DGKB: variants seen among roughly 807,000 people sequenced by gnomAD.
DGKB encodes the protein diacylglycerol kinase beta.
A neutral mutation model predicts 114.3 loss-of-function variants in DGKB; 67 were observed. The ratio of observed to expected loss-of-function variants is 0.59; its 90% confidence interval spans 0.48 to 0.72. The LOEUF (loss-of-function observed/expected upper bound fraction) is 0.72, where lower values mean the gene tolerates loss of function less well. Ranked by LOEUF, DGKB falls within the 30% of genes least tolerant of loss-of-function variation. The pLI, the probability that DGKB is intolerant of heterozygous loss-of-function variation, is 0.00. For synonymous variants in DGKB, 398 were observed against 323.1 expected (o/e 1.23, Z -2.49); for missense variants, 907 against 975.2 (o/e 0.93, Z 0.93).
chr7:14,379,127 C>G (rs1332147895), intron 21 of DGKB, among the ~76,000 whole-genome samples: 1 of 151,684 alleles, frequency 6.6e-6, no homozygotes, highest in Non-Finnish European at 1.5e-5. Context: ...AGACTTTTTC[C>G]CATTACACTA....
chr7:14,605,797 A>G (rs1183818354), intron 17 of DGKB, among the ~76,000 whole-genome samples: 1 of 152,138 alleles, frequency 6.6e-6, no homozygotes, highest in Admixed American at 6.6e-5. Flanking sequence ...TCATATTTGT[A>G]CAAATAATAC....
chr7:14,937,075 T>C lies in DGKB; in HGVS notation c.-188+37621A>G, dbSNP rs73058956. 9.5e-3 allele frequency among the ~76,000 whole-genome samples: 999 copies of C among 105,690 alleles called. 11 individuals are homozygous for C. The highest frequency in any genetic ancestry group is 0.028 in the African/African-American group (818 of 28,824). The allele number at this position is 105,690 out of a possible 152,430, so 69.3% of individuals were successfully genotyped here. A position where few individuals can be genotyped will look rare whatever the true frequency, so the allele number is the denominator to read the frequency against. ...ACACACACACACACACACACACACA[T>C]CTTTTGTTAAATTTATAATTTTGCT... On this transcript the variant is annotated intron_variant, in intron 1 of 4. Coordinates refer to the DGKB transcript ENST00000437998.
In DGKB at chr7:14,946,346, C is replaced by T. The variant is rs185549383; in HGVS notation, c.-188+28350G>A. Among the ~76,000 whole-genome samples, 518 of 151,548 alleles carry T rather than the reference C, an allele frequency of 3.4e-3. 2 individuals are homozygous for T. Among genetic ancestry groups the T allele is most frequent in the African/African-American group, 0.012 (496 of 41,428 alleles). On this transcript the variant is annotated intron_variant, in intron 1 of 4. Coordinates refer to the DGKB transcript ENST00000437998. The stretch of plus-strand genomic sequence containing the variant: ...AGGCTTGAAGAGAAAATGAATGGAC[C>T]CTCCATTTCCTTAAGTACATCTATC...
At chr7:14,172,815 T>A (rs1205191565) in intron 25 of DGKB, among the ~76,000 whole-genome samples, 1 of 152,076 alleles carries the variant, frequency 6.6e-6, no homozygotes, top group East Asian at 1.9e-4. Flanking sequence ...TCTTACCTAG[T>A]CTATGTCCTC....
At chr7:14,605,910 A>C (rs1804417972) in intron 17 of DGKB, among the ~76,000 whole-genome samples, 1 of 152,134 alleles carries the variant, frequency 6.6e-6, no homozygotes, top group African/African-American at 2.4e-5. Flanking sequence ...CCTATAAGGC[A>C]GGCAGAAATC....
chr7:14,208,341 G>T (rs1262575313), intron 23 of DGKB, among the ~76,000 whole-genome samples: 1 of 151,992 alleles, frequency 6.6e-6, no homozygotes, highest in Non-Finnish European at 1.5e-5. Flanking sequence ...GCTGGTGGAA[G>T]TGCAGTATTA....
rs186475262 is a variant in DGKB at position 14,820,845 on chromosome 7, G to A, written c.70+20349C>T. On this transcript the variant is annotated intron_variant, in intron 2 of 25. Coordinates refer to ENST00000402815, the MANE Select transcript of DGKB (RefSeq NM_001350709.2). ...ACTTTGAAAAATTCTGCAGCACAATGTGGCTCGGTAATTAAATCAAGCTGG... is the reference window on the plus strand; with the variant it reads ...ACTTTGAAAAATTCTGCAGCACAATATGGCTCGGTAATTAAATCAAGCTGG... Among the ~76,000 whole-genome samples, 3 of 152,248 alleles carry A rather than the reference G, an allele frequency of 2.0e-5. No homozygotes were observed. The East Asian group carries it at 5.8e-4, about 29-fold the overall frequency.
At chr7:14,490,728 A>T (rs1784481580) in intron 20 of DGKB, among the ~76,000 whole-genome samples, 1 of 152,166 alleles carries the variant, frequency 6.6e-6, no homozygotes, top group African/African-American at 2.4e-5. Context: ...GCCAATTACG[A>T]TCCTAATTGA....
intron 23 of DGKB, among the ~76,000 whole-genome samples, chr7:14,281,859 G>A (rs1800012185): frequency 6.9e-6 from 1 of 144,418 alleles, no homozygotes; most frequent in Non-Finnish European, 1.5e-5. Context: ...CGCATTCAAA[G>A]CAGTGTGTAG....
At chr7:14,647,313 A>C (rs1014404642) in intron 13 of DGKB, among the ~76,000 whole-genome samples, 4 of 152,134 alleles carry the variant, frequency 2.6e-5, no homozygotes, top group Non-Finnish European at 5.9e-5. Context: ...CTGAATCAGA[A>C]ATAAAAAGTC....
chr7:14,163,887 C>T (rs778801778), intron 25 of DGKB, among the ~76,000 whole-genome samples: 19 of 151,926 alleles, frequency 1.3e-4, no homozygotes, highest in Non-Finnish European at 2.4e-4. Flanking sequence ...CTCAGCTACC[C>T]GGGAGGCTGA....
At chr7:14,949,343 T>C (rs1252769142) in intron 1 of DGKB, among the ~76,000 whole-genome samples, 1 of 151,948 alleles carries the variant, frequency 6.6e-6, no homozygotes, top group African/African-American at 2.4e-5. Context: ...TTGGTACGAG[T>C]ATTTTGGAAA....
At chr7:14,945,325 G>C (rs1785812433) in intron 1 of DGKB, among the ~76,000 whole-genome samples, 2 of 151,814 alleles carry the variant, frequency 1.3e-5, no homozygotes, top group South Asian at 4.1e-4. Flanking sequence ...GCTTGTCTTT[G>C]GAGAGGCGGT....
chr7:14,488,022 A>C (rs959165498), intron 20 of DGKB, among the ~76,000 whole-genome samples: 4 of 152,184 alleles, frequency 2.6e-5, no homozygotes, highest in Admixed American at 6.6e-5. Flanking sequence ...ATTGAAAGCA[A>C]ATGTACAAAT....
intron 21 of DGKB, among the ~76,000 whole-genome samples, chr7:14,371,637 G>C (rs917598592): frequency 6.6e-6 from 1 of 151,926 alleles, no homozygotes; most frequent in African/African-American, 2.4e-5. Flanking sequence ...CCATCCTGTA[G>C]GTTGATAGTT....
At chr7:14,704,370 C>T (rs1012414443) in intron 6 of DGKB, among the ~76,000 whole-genome samples, 1 of 148,230 alleles carries the variant, frequency 6.7e-6, no homozygotes, top group African/African-American at 2.5e-5. Flanking sequence ...ATGGCGCGAA[C>T]CAGGGAGGCG....
intron 23 of DGKB, among the ~76,000 whole-genome samples, chr7:14,298,824 A>G (rs766759228): frequency 2.0e-5 from 3 of 152,188 alleles, no homozygotes; most frequent in Non-Finnish European, 2.9e-5. Flanking sequence ...AGCATCTACA[A>G]AGAACTTAAA....
At chr7:14,334,405 TGTATGTGG>T (rs1288520418) in intron 23 of DGKB, among the ~76,000 whole-genome samples, 4 of 148,160 alleles carry the variant, frequency 2.7e-5, no homozygotes, top group Non-Finnish European at 4.4e-5. Flanking sequence ...TGCGCGCGCG[TGTATGTGG>T]GTATGTATAA....
At chr7:14,411,661 T>C (rs1824910419) in intron 21 of DGKB, among the ~76,000 whole-genome samples, 1 of 10,660 alleles carries the variant, frequency 9.4e-5, no homozygotes. Context: ...GGCTGTAAGA[T>C]AAACAGTATA....
Sources: allele counts gnomAD v4.1 joint callset (sites outside exome capture counted in the v4.1 genomes callset), GRCh38; gene constraint gnomAD v4.1.1; transcripts MANE v1.5; gene names NCBI Gene and HGNC (gene_info 2026-07-23, HGNC 2026-07-21).